SDK1: variants seen among roughly 807,000 people sequenced by gnomAD.
SDK1 encodes protein sidekick-1.
In SDK1, 157 loss-of-function variants were observed where a neutral mutation model predicts 245.5. The ratio of observed to expected loss-of-function variants is 0.64; its 90% CI spans 0.56 to 0.73. The LOEUF (loss-of-function observed/expected upper bound fraction) is 0.73. Ranked by LOEUF, SDK1 falls within the 30% of genes least tolerant of loss-of-function variation. The pLI is 0.00. For synonymous variants in SDK1, 1,647 were observed against 1,278.5 expected, an observed-to-expected ratio of 1.29 and a Z score of -6.15; for missense variants, 3,583 against 3,002.3, an observed-to-expected ratio of 1.19 and a Z score of -4.52.
chr7:3,818,898 C>T (rs781419982), intron 4 of SDK1, among the ~76,000 whole-genome samples: 7 of 152,106 alleles, frequency 4.6e-5, no homozygotes, highest in Non-Finnish European at 7.4e-5. Context: ...GGAATGGGGC[C>T]AGCTCTCTTG....
Position 4,265,510 on chromosome 7 carries a change from A to G in SDK1, c.*126A>G, listed in dbSNP as rs954192069. The G allele has an allele frequency of 1.5e-6, 2 of 1,371,916 alleles. No homozygotes were observed. Among genetic ancestry groups the G allele is most frequent in the Non-Finnish European group, 1.9e-6 (2 of 1,071,326 alleles). 85.0% of individuals were successfully genotyped at this position (1,371,916 alleles called of 1,614,324 possible). ...TAAAAAGAAAAAAATCTGATAAGTG[A>G]TGATTTTACCTACTTGTGGACACTA... On this transcript the variant is annotated 3_prime_UTR_variant, in exon 45 of 45. Transcript: ENST00000404826.
chr7:3,410,286 A>T (rs192343250), intron 1 of SDK1, among the ~76,000 whole-genome samples: 60 of 150,320 alleles, frequency 4.0e-4, no homozygotes, highest in African/African-American at 1.5e-3. Context: ...CGCGCACAAC[A>T]TTATTAAAAA....
chr7:3,508,659 A>G (rs1583973140), intron 1 of SDK1, among the ~76,000 whole-genome samples: 1 of 152,226 alleles, frequency 6.6e-6, no homozygotes, highest in Non-Finnish European at 1.5e-5. Flanking sequence ...TGCAATTTAG[A>G]TAGCTCTAAT....
At chr7:3,524,924 G>T (rs752370311) in intron 1 of SDK1, among the ~76,000 whole-genome samples, 5 of 152,162 alleles carry the variant, frequency 3.3e-5, no homozygotes, top group Non-Finnish European at 7.4e-5. Flanking sequence ...TGCTGTAAGA[G>T]AGTGGGATTA....
chr7:4,103,590 TGTA>T (rs1362819029), intron 22 of SDK1, among the ~76,000 whole-genome samples: 11 of 152,358 alleles, frequency 7.2e-5, no homozygotes, highest in African/African-American at 2.6e-4. Flanking sequence ...TGGAGCTCCG[TGTA>T]AAGCAACCCA....
chr7:4,046,282 C>A (rs544527766), intron 17 of SDK1, among the ~76,000 whole-genome samples: 1 of 152,130 alleles, frequency 6.6e-6, no homozygotes, highest in Non-Finnish European at 1.5e-5. Flanking sequence ...ATCTGTCTTG[C>A]ACACGTTGTC....
intron 17 of SDK1, among the ~76,000 whole-genome samples, chr7:4,029,527 C>CTCATTCATTCAT (rs58325112): frequency 1.8e-4 from 27 of 151,968 alleles, no homozygotes; most frequent in African/African-American, 6.5e-4. Flanking sequence ...CTTTCATTCA[C>CTCATTCATTCAT]TCATTCATTC....
intron 1 of SDK1, among the ~76,000 whole-genome samples, chr7:3,566,167 T>G (rs1165728886): frequency 6.6e-6 from 1 of 151,982 alleles, no homozygotes; most frequent in Non-Finnish European, 1.5e-5. Flanking sequence ...CACAAAATAT[T>G]TAAAATTAAA....
chr7:3,936,672 G>C (rs1226317998), intron 5 of SDK1, among the ~76,000 whole-genome samples: 1 of 152,208 alleles, frequency 6.6e-6, no homozygotes, highest in Non-Finnish European at 1.5e-5. Context: ...TGTTCACTTA[G>C]AAATGGTTAA....
intron 1 of SDK1, chr7:3,337,783 T>C (rs1265678585): frequency 6.6e-6 from 1 of 152,230 alleles, no homozygotes; most frequent in Admixed American, 6.5e-5. Flanking sequence ...CCACCAATTC[T>C]ATATGCAACA....
chr7:4,122,457 C>T (rs1034278499), intron 25 of SDK1, among the ~76,000 whole-genome samples: 8 of 152,154 alleles, frequency 5.3e-5, no homozygotes, highest in African/African-American at 1.9e-4. Flanking sequence ...ATGGAAATAG[C>T]AGCTCCTGGG....
At chr7:4,087,993 G>T (rs1037258109) in intron 22 of SDK1, among the ~76,000 whole-genome samples, 1 of 152,168 alleles carries the variant, frequency 6.6e-6, no homozygotes, top group African/African-American at 2.4e-5. Flanking sequence ...TGTGTTCTAA[G>T]TGCTTTCACA....
At chr7:3,505,799 G>C (rs1426754931) in intron 1 of SDK1, among the ~76,000 whole-genome samples, 2 of 152,158 alleles carry the variant, frequency 1.3e-5, no homozygotes, top group East Asian at 3.9e-4. Context: ...TGCACATTCT[G>C]CAGGGACAAC....
intron 22 of SDK1, among the ~76,000 whole-genome samples, chr7:4,079,793 G>T (rs1780940852): frequency 6.6e-6 from 1 of 152,202 alleles, no homozygotes; most frequent in African/African-American, 2.4e-5. Flanking sequence ...CCTACCAGGT[G>T]ATAAGACAAG....
intron 1 of SDK1, among the ~76,000 whole-genome samples, chr7:3,327,080 C>G (rs776363930): frequency 5.3e-5 from 8 of 152,082 alleles, no homozygotes; most frequent in Non-Finnish European, 1.0e-4. Flanking sequence ...GAAAGGTAAC[C>G]AGACTCTGAG....
At chr7:4,142,014 C>G (rs1779613656) in intron 28 of SDK1, among the ~76,000 whole-genome samples, 1 of 152,096 alleles carries the variant, frequency 6.6e-6, no homozygotes, top group African/African-American at 2.4e-5. Flanking sequence ...CTCGGCCTCC[C>G]AAAGTGCTGG....
At chr7:3,460,737 C>G (rs1214278306) in intron 1 of SDK1, among the ~76,000 whole-genome samples, 1 of 152,104 alleles carries the variant, frequency 6.6e-6, no homozygotes, top group African/African-American at 2.4e-5. Flanking sequence ...CAGTTAAAAA[C>G]TTATTTTGGG....
intron 1 of SDK1, among the ~76,000 whole-genome samples, chr7:3,598,476 A>G (rs1479565157): frequency 6.6e-6 from 1 of 152,030 alleles, no homozygotes; most frequent in African/African-American, 2.4e-5. Flanking sequence ...ACCCATGTAG[A>G]CTCTCCCAAT....
At chr7:3,898,917 T>A (rs1473140415) in intron 5 of SDK1, among the ~76,000 whole-genome samples, 1 of 152,238 alleles carries the variant, frequency 6.6e-6, no homozygotes, top group Admixed American at 6.5e-5. Context: ...TTTAAATAAA[T>A]GTATTTTTAG....
Sources: allele counts gnomAD v4.1 joint callset (sites outside exome capture counted in the v4.1 genomes callset), GRCh38; gene constraint gnomAD v4.1.1; transcripts MANE v1.5; gene names NCBI Gene and HGNC (gene_info 2026-07-23, HGNC 2026-07-21).